The following DPP10 variants were observed in gnomAD, a reference collection of about 807,000 sequenced individuals.
DPP10 encodes the protein dipeptidyl peptidase like 10.
A neutral mutation model predicts 120.9 loss-of-function variants in DPP10; 33 were observed. The observed-to-expected ratio is 0.27, with a 90% confidence interval of 0.21 to 0.37. The LOEUF (loss-of-function observed/expected upper bound fraction) is 0.37. Ranked by LOEUF, DPP10 falls within the 10% of genes least tolerant of loss-of-function variation. DPP10 has a pLI of 1.00. For missense variants in DPP10, 816 were observed against 942.8 expected, an observed-to-expected ratio of 0.87 and a Z score of 1.76; for synonymous variants, 337 against 326.1, an observed-to-expected ratio of 1.03 and a Z score of -0.36.
intron 4 of DPP10, among the ~76,000 whole-genome samples, chr2:115,504,794 A>T (rs1244948304): frequency 6.6e-6 from 1 of 152,122 alleles, no homozygotes; most frequent in African/African-American, 2.4e-5. Context: ...ATTCCAGCAT[A>T]GCTTTAAAAG....
intron 1 of DPP10, among the ~76,000 whole-genome samples, chr2:115,157,241 T>C (rs1420085295): frequency 2.1e-5 from 2 of 94,908 alleles, no homozygotes; most frequent in South Asian, 6.3e-4. Flanking sequence ...GTTTTAAATA[T>C]AGCAAAAAAA....
At chr2:114,774,797 C>T (rs1175162347) in intron 1 of DPP10, among the ~76,000 whole-genome samples, 7 of 151,340 alleles carry the variant, frequency 4.6e-5, no homozygotes, top group Non-Finnish European at 1.0e-4. Flanking sequence ...ACAGCAGGAA[C>T]CTTATAGAGG....
intron 1 of DPP10, among the ~76,000 whole-genome samples, chr2:114,924,113 A>C (rs192076106): frequency 6.8e-4 from 104 of 152,210 alleles, no homozygotes; most frequent in Non-Finnish European, 1.3e-3. Flanking sequence ...TACAATGCAA[A>C]TTTTACAGAC....
intron 1 of DPP10, among the ~76,000 whole-genome samples, chr2:115,006,804 A>T (rs1430686142): frequency 6.6e-6 from 1 of 151,944 alleles, no homozygotes; most frequent in Non-Finnish European, 1.5e-5. Flanking sequence ...CATTAGACAG[A>T]TCAATGAGAC....
intron 1 of DPP10, among the ~76,000 whole-genome samples, chr2:115,014,665 A>T (rs1573307821): frequency 6.6e-6 from 1 of 152,268 alleles, no homozygotes; most frequent in South Asian, 2.1e-4. Flanking sequence ...GCATATCACC[A>T]CTGATCCCAA....
intron 1 of DPP10, among the ~76,000 whole-genome samples, chr2:114,453,075 T>G (rs999850371): frequency 6.6e-6 from 1 of 152,118 alleles, no homozygotes; most frequent in Non-Finnish European, 1.5e-5. Context: ...AAGTAAATAT[T>G]GGATCCTGTT....
At chr2:114,791,816 T>C (rs1301408155) in intron 1 of DPP10, among the ~76,000 whole-genome samples, 1 of 152,182 alleles carries the variant, frequency 6.6e-6, no homozygotes, top group Admixed American at 6.5e-5. Flanking sequence ...GCATATTTAA[T>C]GGAAAATGCA....
chr2:115,002,368 A>G (rs1305495406), intron 1 of DPP10, among the ~76,000 whole-genome samples: 2 of 152,144 alleles, frequency 1.3e-5, no homozygotes, highest in Non-Finnish European at 2.9e-5. Context: ...TATAACAATC[A>G]ATTCAAAATA....
chr2:115,174,521 T>C (rs559805822), intron 1 of DPP10, among the ~76,000 whole-genome samples: 5 of 152,338 alleles, frequency 3.3e-5, no homozygotes, highest in East Asian at 3.9e-4. Context: ...TGGGTACTTA[T>C]ATATTTTCTA....
intron 1 of DPP10, among the ~76,000 whole-genome samples, chr2:114,609,526 A>C (rs1441995614): frequency 1.3e-5 from 2 of 152,174 alleles, no homozygotes; most frequent in African/African-American, 4.8e-5. Flanking sequence ...TCAGGAGGTG[A>C]AGCCAAGAGG....
chr2:115,128,715 T>C (rs1269931629), intron 1 of DPP10, among the ~76,000 whole-genome samples: 4 of 152,214 alleles, frequency 2.6e-5, no homozygotes, highest in African/African-American at 9.6e-5. Context: ...ATTGTCCTTA[T>C]GATTTTGTCC....
intron 1 of DPP10, among the ~76,000 whole-genome samples, chr2:114,826,884 C>T (rs1439525237): frequency 5.9e-5 from 9 of 152,132 alleles, no homozygotes; most frequent in Non-Finnish European, 1.0e-4. Context: ...TGTAGAGAAA[C>T]ATGATTGGAT....
intron 1 of DPP10, among the ~76,000 whole-genome samples, chr2:115,050,448 A>T (rs10203171): frequency 0.97 from 147,323 of 152,196 alleles, 71,508 homozygotes; most frequent in Middle Eastern, 1. Flanking sequence ...GTCTCATAAC[A>T]TGGAACTCTC....
intron 3 of DPP10, among the ~76,000 whole-genome samples, chr2:115,462,641 T>G (rs2105085409): frequency 6.6e-6 from 1 of 152,320 alleles, no homozygotes; most frequent in East Asian, 1.9e-4. Context: ...GTCTCACACA[T>G]ATATAAAATA....
chr2:114,852,054 C>T (rs1231577995), intron 1 of DPP10, among the ~76,000 whole-genome samples: 1 of 151,042 alleles, frequency 6.6e-6, no homozygotes, highest in African/African-American at 2.4e-5. Context: ...TACAACTCAC[C>T]TTTGCAGCCT....
At chr2:114,772,278 C>G (rs1210613631) in intron 1 of DPP10, among the ~76,000 whole-genome samples, 2 of 151,938 alleles carry the variant, frequency 1.3e-5, no homozygotes, top group African/African-American at 4.8e-5. Flanking sequence ...CTGCCTCAGC[C>G]CACCGAGTAG....
At chr2:115,669,266 A>G (rs1017508661) in intron 5 of DPP10, among the ~76,000 whole-genome samples, 3 of 152,152 alleles carry the variant, frequency 2.0e-5, no homozygotes, top group African/African-American at 7.2e-5. Context: ...GTTTTATTGT[A>G]TTTAAGTGTT....
intron 1 of DPP10, among the ~76,000 whole-genome samples, chr2:115,157,415 T>A (rs1169755911): frequency 6.6e-6 from 1 of 152,114 alleles, no homozygotes; most frequent in African/African-American, 2.4e-5. Context: ...AACAGGAAAG[T>A]CTTCCTGTCA....
intron 1 of DPP10, among the ~76,000 whole-genome samples, chr2:115,037,489 G>C (rs1026214673): frequency 6.6e-6 from 1 of 152,040 alleles, no homozygotes; most frequent in African/African-American, 2.4e-5. Context: ...CCTCCGGCAG[G>C]CAAAAGAAAC....
Sources: gnomAD v4.1 joint callset for allele counts (sites outside exome capture counted in the v4.1 genomes callset) on GRCh38, gnomAD v4.1.1 for gene constraint, MANE v1.5 for transcripts, NCBI Gene and HGNC (gene_info 2026-07-23, HGNC 2026-07-21) for gene names.